Variants in MTBP observed in about 807,000 individuals in gnomAD.
The protein encoded by MTBP is mdm2-binding protein.
Under a neutral mutation model 117.0 loss-of-function variants are expected in MTBP, and 101 were observed. The ratio of observed to expected loss-of-function variants is 0.86; its 90% CI spans 0.73 to 1.02. MTBP has a LOEUF of 1.02. MTBP is among the 50% of genes least tolerant of loss of function. The probability of loss-of-function intolerance (pLI) is 0.00; values close to 1 mark genes in which losing one functional copy is unlikely to be tolerated. For missense variants in MTBP, 970 were observed against 1,030.9 expected (o/e 0.94, Z 0.81); for synonymous variants, 350 against 351.5 (o/e 1.00, Z 0.05).
At chr8:120,470,771 G>A (rs751122078) in intron 10 of MTBP, 49 bp from the exon 11 acceptor site, 9 of 1,347,308 alleles carry the variant, frequency 6.7e-6, no homozygotes, top group Non-Finnish European at 9.5e-6. Context: ...CACTATTCAA[G>A]AATGAATCTC....
chr8:120,508,598 G>T (rs1586969869), intron 16 of MTBP, among the ~76,000 whole-genome samples: 1 of 151,960 alleles, frequency 6.6e-6, no homozygotes, highest in Non-Finnish European at 1.5e-5. Context: ...TAATAATTTC[G>T]AATGCTTATC....
At chr8:120,523,274 T>C (rs371825326) in intron 21 of MTBP, 24 bp from the exon 22 acceptor site, 1 of 1,485,670 alleles carries the variant, frequency 6.7e-7, no homozygotes, top group Non-Finnish European at 9.2e-7. Flanking sequence ...AAATCTTCTG[T>C]AATCATATTT....
At chr8:120,471,657 T>C (rs1813819394) in intron 11 of MTBP, 1 of 152,196 alleles carries the variant, frequency 6.6e-6, no homozygotes, top group African/African-American at 2.4e-5. Context: ...CCAAGTATTC[T>C]ATTTTAGAAA....
Position 120,456,927 on chromosome 8 carries a change from T to C in MTBP, c.747+257T>C, listed in dbSNP as rs77532040. 5.1e-3 allele frequency among the ~76,000 whole-genome samples: 781 copies of C among 152,318 alleles called. 8 individuals are homozygous for C. The highest frequency in any genetic ancestry group is 0.017 in the African/African-American group (695 of 41,572). On this transcript the variant is annotated intron_variant, in intron 7 of 21. Transcript: ENST00000305949. ...TTTATTTGATTTTAATTAACTTTAA[T>C]TTAATCACATAATAATGTGATTATA...
At chr8:120,514,718 G>A (rs955813539) in intron 17 of MTBP, among the ~76,000 whole-genome samples, 3 of 152,094 alleles carry the variant, frequency 2.0e-5, no homozygotes, top group Admixed American at 1.3e-4. Context: ...ATCTAATGAT[G>A]ATGATAACAA....
At chr8:120,502,061 CT>C (rs1814597178) in intron 14 of MTBP, among the ~76,000 whole-genome samples, 1 of 152,126 alleles carries the variant, frequency 6.6e-6, no homozygotes, top group Non-Finnish European at 1.5e-5. Context: ...ATAAGGTAAT[CT>C]CTTTTTAAAC....
At chr8:120,461,525 G>A (rs978193176) in intron 9 of MTBP, among the ~76,000 whole-genome samples, 2 of 151,920 alleles carry the variant, frequency 1.3e-5, no homozygotes, top group Non-Finnish European at 2.9e-5. Context: ...CAGTATTGTT[G>A]AGACTTTTCT....
At chr8:120,490,087 C>T (rs1344127410) in intron 12 of MTBP, among the ~76,000 whole-genome samples, 1 of 152,060 alleles carries the variant, frequency 6.6e-6, no homozygotes, top group African/African-American at 2.4e-5. Flanking sequence ...GAGGGGACTG[C>T]ACAAAAAGGA....
rs1813628805 is a variant in MTBP at position 120,463,756 on chromosome 8, A to G, written c.1042A>G (p.Ser348Gly). ...GTTGGAGCAGATTTCTTCTCTGTGT[A>G]GCAAGGTATTGAGGGTTTCTTGGGG... ...LLLEQISSLC[S>G]KVGALFVLPC... is the part of the protein sequence containing the mutation. Residue 348 changes from serine (S) to glycine (G), a missense_variant, in exon 10 of 22, where the codon AGC (serine) becomes GGC (glycine). Ser to Gly is a moderately conservative substitution (Grantham distance 56, BLOSUM62 0). Coordinates refer to ENST00000305949, the MANE Select transcript of MTBP (RefSeq NM_022045.5). 1 of 1,612,028 alleles carries G rather than the reference A, an allele frequency of 6.2e-7. No individual in the cohort carries two copies. The highest frequency in any genetic ancestry group is 2.2e-5 in the East Asian group (1 of 44,748).
At chr8:120,469,745 A>T (rs1482734645) in intron 10 of MTBP, among the ~76,000 whole-genome samples, 1 of 152,242 alleles carries the variant, frequency 6.6e-6, no homozygotes, top group Non-Finnish European at 1.5e-5. Context: ...AAAGCGAGAA[A>T]TGCTCATTAA....
intron 9 of MTBP, among the ~76,000 whole-genome samples, chr8:120,461,623 G>C (rs532868495): frequency 2.0e-5 from 3 of 152,268 alleles, no homozygotes; most frequent in African/African-American, 7.2e-5. Context: ...GCACAGGACT[G>C]ATCTACTCTC....
intron 15 of MTBP, among the ~76,000 whole-genome samples, chr8:120,503,700 G>A (rs560079904): frequency 2.0e-5 from 3 of 152,252 alleles, no homozygotes; most frequent in African/African-American, 7.2e-5. Flanking sequence ...ATTGCAGGAG[G>A]GAGAGATTAG....
chr8:120,493,229 C>T lies in MTBP; in HGVS notation c.1447+2659C>T, dbSNP rs185234916. ...GCTAACTCATTTTTAGACTTTAGTC[C>T]AATGTTTTTCTCTCAAATATTTATC... On this transcript the variant is annotated intron_variant, in intron 13 of 21. Coordinates refer to ENST00000305949, the MANE Select transcript of MTBP (RefSeq NM_022045.5). Among the ~76,000 whole-genome samples, 775 of 152,130 alleles carry T rather than the reference C, an allele frequency of 5.1e-3. 10 individuals are homozygous for T. The highest frequency in any genetic ancestry group is 0.018 in the African/African-American group (734 of 41,522).
chr8:120,486,273 G>A (rs906205048), intron 11 of MTBP, among the ~76,000 whole-genome samples: 16 of 152,048 alleles, frequency 1.1e-4, no homozygotes, highest in African/African-American at 3.4e-4. Flanking sequence ...CAACTTACCC[G>A]CAATCTGAGT....
intron 11 of MTBP, among the ~76,000 whole-genome samples, chr8:120,487,540 CAAAG>C (rs1333390280): frequency 1.3e-5 from 2 of 152,220 alleles, no homozygotes; most frequent in Non-Finnish European, 2.9e-5. Context: ...CCATCTTCAA[CAAAG>C]AAAGATTCTA....
rs1813231147 is a variant in MTBP, at chr8:120,446,523, A to G, written c.199+10A>G. 4.1e-6 allele frequency: 6 copies of G among 1,459,484 alleles called. No individual in the cohort carries two copies. The highest frequency in any genetic ancestry group is 5.8e-6 in the Non-Finnish European group (6 of 1,039,674). 90.4% of individuals were successfully genotyped at this position (1,459,484 alleles called of 1,614,324 possible). A position where few individuals can be genotyped will look rare whatever the true frequency, so the allele number is the denominator to read the frequency against. On this transcript the variant is annotated intron_variant, in intron 2 of 21. Coordinates refer to ENST00000305949, the MANE Select transcript of MTBP (RefSeq NM_022045.5). ...GATAGTACTTTCCCTGGTAAGTATA[A>G]TAAACTCCTCTTTTCTCTGGCACAG... is the stretch of plus-strand genomic sequence containing the variant.
intron 15 of MTBP, among the ~76,000 whole-genome samples, chr8:120,505,975 C>A (rs527725045): frequency 6.6e-6 from 1 of 152,174 alleles, no homozygotes; most frequent in East Asian, 1.9e-4. Context: ...CTTGACAAGT[C>A]GGAATAATGA....
At chr8:120,474,182 A>T (rs974579456) in intron 11 of MTBP, among the ~76,000 whole-genome samples, 44 of 152,174 alleles carry the variant, frequency 2.9e-4, no homozygotes, top group Middle Eastern at 3.4e-3. Flanking sequence ...TAAGACACAG[A>T]TCACATAATC....
At chr8:120,450,216 G>A (rs1408659224) in intron 2 of MTBP, among the ~76,000 whole-genome samples, 4 of 152,094 alleles carry the variant, frequency 2.6e-5, no homozygotes, top group Admixed American at 6.5e-5. Flanking sequence ...CTTCTTACAC[G>A]TTAAAGGGGA....
Sources: gnomAD v4.1 joint callset for allele counts (sites outside exome capture counted in the v4.1 genomes callset) on GRCh38, gnomAD v4.1.1 for gene constraint, MANE v1.5 for transcripts, NCBI Gene and HGNC (gene_info 2026-07-23, HGNC 2026-07-21) for gene names.